The following ZNF407 variants were observed in gnomAD, a reference collection of about 807,000 sequenced individuals.
The protein encoded by ZNF407 is zinc finger protein 407.
A neutral mutation model predicts 131.2 loss-of-function variants in ZNF407; 17 were observed. The ratio of observed to expected loss-of-function variants is 0.13; its 90% CI spans 0.09 to 0.19. The LOEUF (loss-of-function observed/expected upper bound fraction) is 0.19. Ranked by LOEUF, ZNF407 falls within the 10% of genes least tolerant of loss-of-function variation. ZNF407 has a pLI of 1.00. For missense variants in ZNF407, 2,681 were observed against 2,830.6 expected (o/e 0.95, Z 1.20); for synonymous variants, 1,156 against 1,062.0 (o/e 1.09, Z -1.72).
chr18:74,942,402 G>T (rs1225315197), intron 8 of ZNF407, among the ~76,000 whole-genome samples: 1 of 152,102 alleles, frequency 6.6e-6, no homozygotes, highest in Non-Finnish European at 1.5e-5. Flanking sequence ...TGGAGGAAAG[G>T]CTGGGAAAGT....
At chr18:74,710,900 C>T (rs757080492) in intron 3 of ZNF407, among the ~76,000 whole-genome samples, 9 of 152,270 alleles carry the variant, frequency 5.9e-5, no homozygotes, top group Non-Finnish European at 1.0e-4. Flanking sequence ...TGTGAATAGA[C>T]GAGTGAGGCT....
intron 4 of ZNF407, among the ~76,000 whole-genome samples, chr18:74,829,767 T>C (rs1211731948): frequency 1.3e-5 from 2 of 152,138 alleles, no homozygotes; most frequent in African/African-American, 4.8e-5. Flanking sequence ...GGTTTCTGGA[T>C]CACATTTGAA....
chr18:74,649,550 A>G (rs1482157698), intron 3 of ZNF407, among the ~76,000 whole-genome samples: 2 of 152,200 alleles, frequency 1.3e-5, no homozygotes, highest in Non-Finnish European at 2.9e-5. Flanking sequence ...ACATTTTAGT[A>G]TTCACCACTA....
intron 3 of ZNF407, among the ~76,000 whole-genome samples, chr18:74,744,259 A>G (rs970821718): frequency 3.3e-5 from 5 of 152,168 alleles, no homozygotes; most frequent in African/African-American, 1.2e-4. Context: ...TACCTTCTTC[A>G]TGTCCCTGTT....
chr18:74,621,205 A>AT lies in ZNF407; in HGVS notation c.-53-9761dup, dbSNP rs1375956074. ...TTTTGGTACAGGCAAGCAATGAGTA[A>AT]TAACTATATCATTTGTAAAATGGGG... On this transcript the variant is annotated intron_variant, in intron 1 of 8. Transcript: ENST00000299687. Among the ~76,000 whole-genome samples the AT allele has an allele frequency of 3.3e-5, 5 of 152,296 alleles. No homozygotes were observed. In the East Asian group the frequency reaches 9.7e-4, roughly 29 times the overall value.
chr18:74,818,628 C>T (rs1970298798), intron 4 of ZNF407, among the ~76,000 whole-genome samples: 1 of 152,134 alleles, frequency 6.6e-6, no homozygotes, highest in Non-Finnish European at 1.5e-5. Flanking sequence ...TCAGCAGCTG[C>T]ATTCTTACAC....
intron 4 of ZNF407, among the ~76,000 whole-genome samples, chr18:74,818,984 A>G (rs1330068979): frequency 3.9e-5 from 6 of 152,050 alleles, no homozygotes; most frequent in South Asian, 2.1e-4. Flanking sequence ...GCGCTGAGAC[A>G]TGTCACAGCT....
At chr18:74,794,017 A>G in intron 4 of ZNF407, among the ~76,000 whole-genome samples, 1 of 152,224 alleles carries the variant, frequency 6.6e-6, no homozygotes, top group Non-Finnish European at 1.5e-5. Context: ...GTCTTAGGAA[A>G]TGGAGACTTT....
At chr18:74,826,468 T>C (rs966123) in intron 4 of ZNF407, among the ~76,000 whole-genome samples, 121,689 of 152,194 alleles carry the variant, frequency 0.8, 50,330 homozygotes, top group Non-Finnish European at 0.9. Flanking sequence ...TCCATTTTCT[T>C]CAGAAACAGA....
intron 3 of ZNF407, among the ~76,000 whole-genome samples, chr18:74,709,835 A>G (rs866163755): frequency 2.0e-5 from 3 of 152,240 alleles, no homozygotes; most frequent in South Asian, 4.1e-4. Context: ...TCCTGTCACT[A>G]TCAACAAGCA....
intron 3 of ZNF407, among the ~76,000 whole-genome samples, chr18:74,754,204 AT>A (rs1056416072): frequency 6.6e-6 from 1 of 151,764 alleles, no homozygotes; most frequent in African/African-American, 2.4e-5. Flanking sequence ...CCCCTTTATC[AT>A]TTTTTTATTA....
Position 74,881,056 on chromosome 18 carries a change from G to A in ZNF407, c.5065G>A (p.Asp1689Asn). 6.3e-7 allele frequency: 1 copy of A among 1,584,654 alleles called. No homozygotes were observed. Residue 1689 changes from aspartate to asparagine, a missense_variant, in exon 6 of 9, where the codon GAC becomes AAC. By Grantham distance (23) the Asp-to-Asn change is conservative. Around this residue, in one of 6 missense-constraint regions of ZNF407, gnomAD observed 213 missense variants for 332.2 expected, o/e 0.64. Transcript: ENST00000299687. ...AACAGGCGAGAAGTCGTTTCTGTGT[G>A]ACCTCTGCGGCTTTGCCGGCGGGAC... ...THTGEKSFLC[D>N]LCGFAGGTRH... is the part of the protein sequence containing the mutation.
intron 4 of ZNF407, among the ~76,000 whole-genome samples, chr18:74,865,527 T>G (rs979148069): frequency 6.6e-6 from 1 of 152,206 alleles, no homozygotes; most frequent in Admixed American, 6.5e-5. Context: ...GTTTTGATTA[T>G]GCACTTAATA....
intron 3 of ZNF407, among the ~76,000 whole-genome samples, chr18:74,684,345 T>G (rs1242173641): frequency 2.0e-5 from 3 of 152,232 alleles, no homozygotes; most frequent in African/African-American, 7.2e-5. Context: ...TTTAAAAATT[T>G]AATTTCTTAG....
chr18:74,913,262 C>T (rs1463028265), intron 7 of ZNF407, among the ~76,000 whole-genome samples: 2 of 152,168 alleles, frequency 1.3e-5, no homozygotes, highest in Non-Finnish European at 2.9e-5. Flanking sequence ...GGATTATTCA[C>T]TGGAACCTTG....
chr18:74,923,166 C>G (rs1349998944), intron 8 of ZNF407, among the ~76,000 whole-genome samples: 2 of 151,954 alleles, frequency 1.3e-5, no homozygotes, highest in Non-Finnish European at 2.9e-5. Flanking sequence ...GCATGAAAGA[C>G]TATATGTGAG....
Position 74,631,004 on chromosome 18 carries a change from C to T in ZNF407, c.-16C>T, listed in dbSNP as rs1012729472. On this transcript the variant is annotated 5_prime_UTR_variant, in exon 2 of 9. Coordinates refer to ENST00000299687, the MANE Select transcript of ZNF407 (RefSeq NM_017757.3). ...AGTGAGCCGCCTTAGATAGAAGCAT[C>T]GTCAGCACTTTATTAATGATGGATA... is the stretch of plus-strand genomic sequence containing the variant. 40 of 1,590,406 alleles carry T rather than the reference C, an allele frequency of 2.5e-5. No individual in the cohort carries two copies. Among genetic ancestry groups the T allele is most frequent in the Middle Eastern group, 1.7e-4 (1 of 5,958 alleles).
intron 3 of ZNF407, among the ~76,000 whole-genome samples, chr18:74,642,980 A>C (rs1984793146): frequency 6.6e-6 from 1 of 152,164 alleles, no homozygotes; most frequent in Non-Finnish European, 1.5e-5. Context: ...AGTTCTGAAG[A>C]ATTGCAGTAA....
intron 4 of ZNF407, among the ~76,000 whole-genome samples, chr18:74,847,212 C>T (rs578050124): frequency 6.6e-6 from 1 of 152,222 alleles, no homozygotes; most frequent in East Asian, 1.9e-4. Context: ...TTTCCCCCTA[C>T]AATCCACAAG....
Sources: gnomAD v4.1 joint callset for allele counts (sites outside exome capture counted in the v4.1 genomes callset) on GRCh38, gnomAD v4.1.1 for gene constraint, gnomAD v4.1.1 regional missense constraint, MANE v1.5 for transcripts, NCBI Gene and HGNC (gene_info 2026-07-23, HGNC 2026-07-21) for gene names.